NBAS: variants seen among roughly 807,000 people sequenced by gnomAD.
NBAS encodes NAG/BC035112 fusion.
In NBAS, 219 loss-of-function variants were observed where a neutral mutation model predicts 302.5. The observed-to-expected ratio is 0.72, with a 90% CI of 0.65 to 0.81. NBAS has a LOEUF of 0.81. Among genes scored for constraint, NBAS ranks in the 30% least tolerant of loss-of-function variants. The pLI is 0.00. For missense variants in NBAS, 2,932 were observed against 2,841.6 expected, an observed-to-expected ratio of 1.03 and a Z score of -0.72; for synonymous variants, 1,118 against 1,021.6, an observed-to-expected ratio of 1.09 and a Z score of -1.80.
the NBAS span, among the ~76,000 whole-genome samples, chr2:14,912,652 C>T: frequency 6.8e-6 from 1 of 147,942 alleles, no homozygotes; most frequent in South Asian, 2.1e-4. Context: ...TCTTCTGTCA[C>T]TCCCAGTTTC....
the NBAS span, among the ~76,000 whole-genome samples, chr2:15,126,661 A>G: frequency 6.6e-6 from 1 of 152,180 alleles, no homozygotes; most frequent in Non-Finnish European, 1.5e-5. Flanking sequence ...TGTCAGCAGC[A>G]AGAGAAAAGC....
At chr2:15,274,392 C>A (rs1289173291) in intron 44 of NBAS, among the ~76,000 whole-genome samples, 1 of 152,118 alleles carries the variant, frequency 6.6e-6, no homozygotes, top group East Asian at 1.9e-4. Context: ...CTGGGCAGAC[C>A]TGGTGACTTG....
chr2:14,788,962 C>G, the NBAS span, among the ~76,000 whole-genome samples: 1 of 152,232 alleles, frequency 6.6e-6, no homozygotes, highest in African/African-American at 2.4e-5. Context: ...AGGCAGGCGT[C>G]CTTGAGCTGT....
At position 15,379,652 on chromosome 2, in the gene NBAS, C is replaced by T. The variant is rs750973329; in HGVS notation, c.3540G>A (p.Glu1180=). The change falls in exon 30 of 52, where the codon GAG becomes GAA. Residue 1180 remains glutamate (E), a synonymous_variant. Transcript: ENST00000281513. Reference sequence around the variant, plus strand: ...TGAGGTTGGTAGAAGAATTGAAGTACTCTCTGCTGGCAGCCAAAACCAAGT... The same window carrying T: ...TGAGGTTGGTAGAAGAATTGAAGTATTCTCTGCTGGCAGCCAAAACCAAGT... ...SIDLVLAASR[E]YFNSSTNLTD... 8 of 1,613,934 alleles carry T rather than the reference C, an allele frequency of 5.0e-6. No homozygotes were observed. The highest frequency in any genetic ancestry group is 6.8e-6 in the Non-Finnish European group (8 of 1,179,966).
At chr2:15,127,085 C>G in the NBAS span, among the ~76,000 whole-genome samples, 1 of 152,170 alleles carries the variant, frequency 6.6e-6, no homozygotes, top group East Asian at 1.9e-4. Flanking sequence ...CAGGAAGTCA[C>G]AGACGGCCCC....
intron 28 of NBAS, among the ~76,000 whole-genome samples, chr2:15,386,928 GT>G (rs1329578150): frequency 7.2e-5 from 11 of 151,898 alleles, no homozygotes; most frequent in African/African-American, 2.7e-4. Context: ...AATTGAGTGT[GT>G]CCCCCTCTGG....
the NBAS span, among the ~76,000 whole-genome samples, chr2:14,922,182 A>G: frequency 6.6e-6 from 1 of 152,226 alleles, no homozygotes; most frequent in East Asian, 1.9e-4. Context: ...AGGTGGAGAG[A>G]GTCCAGGCAG....
chr2:15,304,719 G>A (rs1670953419), intron 40 of NBAS, among the ~76,000 whole-genome samples: 1 of 152,236 alleles, frequency 6.6e-6, no homozygotes, highest in Admixed American at 6.5e-5. Flanking sequence ...GAGACTGCTG[G>A]CATTTTGCCC....
At chr2:14,893,453 T>C in the NBAS span, among the ~76,000 whole-genome samples, 7 of 152,252 alleles carry the variant, frequency 4.6e-5, no homozygotes, top group African/African-American at 7.2e-5. Flanking sequence ...TCTTTTTGTC[T>C]TTCTTCTATA....
chr2:15,528,086 G>T (rs1663008604), intron 9 of NBAS, among the ~76,000 whole-genome samples: 1 of 151,722 alleles, frequency 6.6e-6, no homozygotes, highest in African/African-American at 2.4e-5. Context: ...ACACTCTACA[G>T]TATCAGCCAA....
chr2:15,118,293 A>C, the NBAS span, among the ~76,000 whole-genome samples: 147,860 of 152,296 alleles, frequency 0.97, 71,813 homozygotes, highest in East Asian at 1. Context: ...ATCAATGAAG[A>C]TCACTGAGGA....
chr2:15,417,579 T>A lies in NBAS; in HGVS notation c.2711A>T (p.Lys904Ile). 6.2e-7 allele frequency: 1 copy of A among 1,613,986 alleles called. No individual in the cohort carries two copies. The highest frequency in any genetic ancestry group is 8.5e-7 in the Non-Finnish European group (1 of 1,179,936). Residue 904 changes from lysine (K) to isoleucine (I), a missense_variant, in exon 24 of 52, where the codon AAA becomes ATA. Physicochemically the swap from Lys to Ile is moderately radical, Grantham distance 102. Coordinates refer to ENST00000281513, the MANE Select transcript of NBAS (RefSeq NM_015909.4). ...AATGTCTTTCATCTGCTGGAGTTCT[T>A]TCAGGGTTAGAGTTACATCACACCT... ...EARCDVTLTL[K>I]ELQQMKDIEK...
chr2:15,074,346 G>A, the NBAS span, among the ~76,000 whole-genome samples: 1 of 146,250 alleles, frequency 6.8e-6, no homozygotes, highest in East Asian at 2.1e-4. Flanking sequence ...GGGAGGGAGG[G>A]AAGGAAGGAA....
the NBAS span, among the ~76,000 whole-genome samples, chr2:15,153,513 C>T: frequency 1.3e-5 from 2 of 152,340 alleles, no homozygotes; most frequent in South Asian, 2.1e-4. Context: ...TGAGAGTGAG[C>T]TCCCCATCAC....
At chr2:14,818,840 A>C in the NBAS span, among the ~76,000 whole-genome samples, 1 of 152,256 alleles carries the variant, frequency 6.6e-6, no homozygotes, top group East Asian at 1.9e-4. Context: ...ACTGAAGCAC[A>C]GTCTTGCATT....
At chr2:15,420,506 A>G (rs914160484) in intron 23 of NBAS, among the ~76,000 whole-genome samples, 1 of 152,198 alleles carries the variant, frequency 6.6e-6, no homozygotes, top group Non-Finnish European at 1.5e-5. Flanking sequence ...TTTACAAAAT[A>G]CAAGGGATGT....
At chr2:15,312,073 C>T (rs944788135) in intron 38 of NBAS, among the ~76,000 whole-genome samples, 26 of 152,188 alleles carry the variant, frequency 1.7e-4, no homozygotes, top group African/African-American at 6.0e-4. Context: ...CACTGTAGCA[C>T]TAGGCACTGC....
the NBAS span, among the ~76,000 whole-genome samples, chr2:14,781,893 C>T: frequency 6.6e-6 from 1 of 152,148 alleles, no homozygotes; most frequent in African/African-American, 2.4e-5. Flanking sequence ...CATTCTCTAA[C>T]TCCTGAAGCA....
At chr2:15,508,132 C>T (rs1037715241) in intron 10 of NBAS, among the ~76,000 whole-genome samples, 2 of 152,210 alleles carry the variant, frequency 1.3e-5, no homozygotes, top group African/African-American at 4.8e-5. Context: ...CAGCCACTAA[C>T]ATAATTAAAA....
Sources: allele counts gnomAD v4.1 joint callset (sites outside exome capture counted in the v4.1 genomes callset), GRCh38; gene constraint gnomAD v4.1.1; transcripts MANE v1.5; gene names NCBI Gene and HGNC (gene_info 2026-07-23, HGNC 2026-07-21).